SEPTIN8: variants seen among roughly 807,000 people sequenced by gnomAD.
SEPTIN8 encodes septin 8.
In SEPTIN8, 22 loss-of-function variants were observed where a neutral mutation model predicts 53.1. The ratio of observed to expected loss-of-function variants is 0.41; its 90% CI spans 0.30 to 0.59. The LOEUF is 0.59. Ranked by LOEUF, SEPTIN8 falls within the 20% of genes least tolerant of loss-of-function variation. The probability of loss-of-function intolerance (pLI) is 0.24; values close to 1 mark genes in which losing one functional copy is unlikely to be tolerated. For synonymous variants in SEPTIN8, 228 were observed against 248.4 expected (o/e 0.92, Z 0.77); for missense variants, 536 against 638.7 (o/e 0.84, Z 1.73).
chr5:132,776,315 C>A lies in SEPTIN8; in HGVS notation c.30+793G>T, dbSNP rs1421322394. ...CAGGGGATGTCCAGATACAACCCCC[C>A]AAAGGCCTCCCTCCCGCGAGTGAAT... On this transcript the variant is annotated intron_variant, in intron 1 of 9. Coordinates refer to ENST00000378719, the MANE Select transcript of SEPTIN8 (RefSeq NM_001098811.2). The surrounding 1 kb of genome is among the most constrained non-coding windows in gnomAD (Gnocchi z 4.4). Among the ~76,000 whole-genome samples the A allele has an allele frequency of 1.3e-5, 2 of 152,192 alleles. No homozygotes were observed. The highest frequency in any genetic ancestry group is 2.9e-5 in the Non-Finnish European group (2 of 68,036).
chr5:132,775,236 G>A (rs941477920), intron 1 of SEPTIN8, among the ~76,000 whole-genome samples: 2 of 152,230 alleles, frequency 1.3e-5, no homozygotes, highest in African/African-American at 4.8e-5. Flanking sequence ...CCAGCCCACA[G>A]CATGGCCTCT....
rs546292477 is a variant in SEPTIN8 at position 132,762,529 on chromosome 5, G to C, written c.651C>G (p.Phe217Leu). 22 of 1,614,246 alleles carry C rather than the reference G, an allele frequency of 1.4e-5. No individual in the cohort carries two copies. The African/African-American group carries it at 2.8e-4, about 21-fold the overall frequency. ...CTGCAACAGCCTCATCATCCGTGGGGAACTGGTAGATCTGGACCCCGTTGC... is the reference window on the plus strand; with the variant it reads ...CTGCAACAGCCTCATCATCCGTGGGCAACTGGTAGATCTGGACCCCGTTGC... The part of the protein sequence containing the change: ...LVSNGVQIYQ[F>L]PTDDEAVAEI... The change falls in exon 5 of 10, where the codon TTC becomes TTG. Residue 217 changes from phenylalanine (F) to leucine (L), a missense_variant. Physicochemically the swap from Phe to Leu is conservative, Grantham distance 22. This residue lies in a region of SEPTIN8 where 395 missense variants were observed against 451.8 expected (regional missense o/e 0.87). Transcript: ENST00000378719.
At chr5:132,756,278 CAT>C (rs1741004376) in intron 9 of SEPTIN8, 2 of 985,266 alleles carry the variant, frequency 2.0e-6, no homozygotes, top group Non-Finnish European at 2.4e-6. Context: ...CTAGAAAGAA[CAT>C]ATTTCCACAT....
chr5:132,758,845 A>C, intron 9 of SEPTIN8: 1 of 1,609,886 alleles, frequency 6.2e-7, no homozygotes, highest in Non-Finnish European at 8.5e-7. Context: ...AAAATAAAAC[A>C]AACAAAACAA....
chr5:132,757,873 G>A, intron 9 of SEPTIN8: 9 of 985,518 alleles, frequency 9.1e-6, no homozygotes, highest in Non-Finnish European at 1.1e-5. Context: ...TTCACCCTGT[G>A]ACCCAGCCAG....
chr5:132,762,429 T>A, intron 5 of SEPTIN8, 55 bp downstream of exon 5: 1 of 1,554,998 alleles, frequency 6.4e-7, no homozygotes, highest in Non-Finnish European at 8.9e-7. Flanking sequence ...GTCAGATCTG[T>A]GCCGGCTCCT....
At chr5:132,771,870 G>A (rs550625800) in intron 1 of SEPTIN8, among the ~76,000 whole-genome samples, 3 of 140,428 alleles carry the variant, frequency 2.1e-5, no homozygotes, top group African/African-American at 7.7e-5. Flanking sequence ...TAACCAAGGA[G>A]ACATACGTGG....
chr5:132,770,856 C>T (rs528022338), intron 1 of SEPTIN8, among the ~76,000 whole-genome samples: 4 of 152,326 alleles, frequency 2.6e-5, no homozygotes, highest in African/African-American at 9.6e-5. Flanking sequence ...GAGTTGGCAG[C>T]TCTGAGCTCT....
At chr5:132,765,825 AG>A (rs1756528131) in intron 1 of SEPTIN8, among the ~76,000 whole-genome samples, 1 of 152,180 alleles carries the variant, frequency 6.6e-6, no homozygotes, top group Non-Finnish European at 1.5e-5. Context: ...AGGTGGCCCC[AG>A]GGGCTGTGGT....
intron 1 of SEPTIN8, among the ~76,000 whole-genome samples, chr5:132,768,799 T>C (rs1194806076): frequency 6.6e-6 from 1 of 152,228 alleles, no homozygotes; most frequent in African/African-American, 2.4e-5. Context: ...ACTCACAGGA[T>C]GGCAGAGCCA....
chr5:132,756,643 G>C (rs1755367335), intron 9 of SEPTIN8: 1 of 985,352 alleles, frequency 1.0e-6, no homozygotes, highest in Non-Finnish European at 1.2e-6. Flanking sequence ...ACAAACAGCA[G>C]GGGAGAGGTG....
At chr5:132,758,432 C>T (rs534762956) in intron 9 of SEPTIN8, 13 of 1,575,740 alleles carry the variant, frequency 8.3e-6, no homozygotes, top group South Asian at 3.5e-5. Flanking sequence ...TAGGGCACCA[C>T]GTGAGTTGCC....
At chr5:132,771,346 G>A (rs1339108092) in intron 1 of SEPTIN8, among the ~76,000 whole-genome samples, 1 of 152,224 alleles carries the variant, frequency 6.6e-6, no homozygotes, top group Non-Finnish European at 1.5e-5. Context: ...AACTAGGCTG[G>A]TTGTTGCAGT....
intron 9 of SEPTIN8, chr5:132,758,090 T>C (rs767496509): frequency 8.1e-5 from 81 of 1,002,478 alleles, no homozygotes; most frequent in Non-Finnish European, 9.4e-5. Context: ...GTAAAAACGC[T>C]GGACATGGTC....
Position 132,761,230 on chromosome 5 carries a change from A to T in SEPTIN8, c.998T>A (p.Phe333Tyr). ...CTCCTTCCTCTGCAGCTCACTTAGG[A>T]ACTCCTTCCTCTTGGCCTCGTATGT... is the stretch of plus-strand genomic sequence containing the variant. ...QETYEAKRKE[F>Y]LSELQRKEEE... Residue 333 changes from phenylalanine to tyrosine, a missense_variant, in exon 8 of 10, where the codon TTC (phenylalanine) becomes TAC (tyrosine). By Grantham distance (22) the Phe-to-Tyr change is conservative. This residue lies in a region of SEPTIN8 where 395 missense variants were observed against 451.8 expected (regional missense o/e 0.87). Transcript: ENST00000378719. The surrounding 1 kb of genome is among the most constrained non-coding windows in gnomAD (Gnocchi z 5.8). 1.9e-6 allele frequency: 3 copies of T among 1,614,092 alleles called. No homozygotes were observed. The highest frequency in any genetic ancestry group is 2.5e-6 in the Non-Finnish European group (3 of 1,180,026).
chr5:132,753,245 ATGTT>A (rs1219791102), intron 9 of SEPTIN8: 1 of 415,984 alleles, frequency 2.4e-6, no homozygotes, highest in African/African-American at 2.0e-5. Context: ...GTATGAATGA[ATGTT>A]CAAATGGCAG....
chr5:132,751,204 G>A lies in SEPTIN8; in HGVS notation c.*812C>T, dbSNP rs764644270. 1.7e-5 allele frequency: 8 copies of A among 480,502 alleles called. No homozygotes were observed. The highest frequency in any genetic ancestry group is 9.9e-5 in the African/African-American group (5 of 50,584). The allele number at this position is 480,502 out of a possible 1,614,324, so 29.8% of individuals were successfully genotyped here. ...TTCCACCAGACTCCCACTTCTAAAGGACATTAAATTAACTTTACAAAGATT... is the reference window on the plus strand; with the variant it reads ...TTCCACCAGACTCCCACTTCTAAAGAACATTAAATTAACTTTACAAAGATT... On this transcript the variant is annotated 3_prime_UTR_variant, in exon 10 of 10. Coordinates refer to ENST00000378719, the MANE Select transcript of SEPTIN8 (RefSeq NM_001098811.2).
At position 132,770,008 on chromosome 5, in the gene SEPTIN8, TATATATATATATATAC is replaced by T. The variant is rs1272356737; in HGVS notation, c.31-4495_31-4480del. Among the ~76,000 whole-genome samples the T allele has an allele frequency of 3.2e-3, 166 of 52,208 alleles. 2 individuals are homozygous for T. The highest frequency in any genetic ancestry group is 9.3e-3 in the African/African-American group (114 of 12,262). 34.3% of individuals were successfully genotyped at this position (52,208 alleles called of 152,430 possible). A position where few individuals can be genotyped will look rare whatever the true frequency, so the allele number is the denominator to read the frequency against. ...ATATATATATATATATATATATATA[TATATATATATATATAC>T]ACACACATATATATATATGTGTGTG... On this transcript the variant is annotated intron_variant, in intron 1 of 9. Coordinates refer to ENST00000378719, the MANE Select transcript of SEPTIN8 (RefSeq NM_001098811.2).
chr5:132,754,158 G>T, intron 9 of SEPTIN8: 2 of 427,044 alleles, frequency 4.7e-6, no homozygotes, highest in Non-Finnish European at 8.4e-6. Flanking sequence ...CACTTTAATT[G>T]CTTCCGATCC....
Sources: gnomAD v4.1 joint callset for allele counts (sites outside exome capture counted in the v4.1 genomes callset) on GRCh38, gnomAD v4.1.1 for gene constraint, gnomAD v4.1.1 regional missense constraint, Gnocchi (gnomAD v3.1) non-coding constraint, MANE v1.5 for transcripts, NCBI Gene and HGNC (gene_info 2026-07-23, HGNC 2026-07-21) for gene names.